AFF2: variants seen among roughly 807,000 people sequenced by gnomAD.
AFF2 encodes the protein ALF transcription elongation factor 2.
AFF2 carries 14 observed loss-of-function variants against 76.9 expected under a neutral mutation model. That is an observed-to-expected ratio of 0.18 (90% CI 0.12 to 0.28). The LOEUF is 0.28. Among genes scored for constraint, AFF2 ranks in the 10% least tolerant of loss-of-function variants. The pLI is 1.00. For synonymous variants in AFF2, 398 were observed against 366.7 expected, an observed-to-expected ratio of 1.09 and a Z score of -0.98; for missense variants, 868 against 1,001.1, an observed-to-expected ratio of 0.87 and a Z score of 1.79.
chrX:148,912,376 A>G (rs2071480637), intron 9 of AFF2, among the ~76,000 whole-genome samples: 1 of 111,692 alleles, frequency 9.0e-6, no homozygotes, highest in Non-Finnish European at 1.9e-5. Context: ...GAGTGAGAAC[A>G]TAAATACTGC....
intron 1 of AFF2, among the ~76,000 whole-genome samples, chrX:148,584,973 A>G (rs1458913398): frequency 8.9e-6 from 1 of 111,877 alleles, no homozygotes; most frequent in African/African-American, 3.3e-5. Flanking sequence ...ATATACAAAA[A>G]GAAAATTAAA....
intron 2 of AFF2, among the ~76,000 whole-genome samples, chrX:148,660,199 C>T (rs1230992691): frequency 8.9e-6 from 1 of 111,886 alleles, no homozygotes; most frequent in Admixed American, 9.5e-5. Context: ...GTTTCACACA[C>T]ACATAGTATG....
At chrX:148,754,733 T>A (rs781889220) in intron 3 of AFF2, among the ~76,000 whole-genome samples, 9 of 111,585 alleles carry the variant, frequency 8.1e-5, no homozygotes, top group Non-Finnish European at 5.7e-5. Context: ...AGGGGATGTA[T>A]AAAGTGCTGA....
At chrX:148,687,993 C>T (rs1215091610) in intron 3 of AFF2, among the ~76,000 whole-genome samples, 4 of 110,644 alleles carry the variant, frequency 3.6e-5, no homozygotes, top group South Asian at 3.9e-4. Flanking sequence ...CAGCTGATGG[C>T]GCTACTATCT....
intron 4 of AFF2, among the ~76,000 whole-genome samples, chrX:148,810,910 G>A (rs2070194535): frequency 9.0e-6 from 1 of 111,306 alleles, no homozygotes; most frequent in Admixed American, 9.5e-5. Flanking sequence ...CCCAGTAAGT[G>A]CCTTCTCAGC....
At chrX:148,896,860 A>G (rs1224558197) in intron 8 of AFF2, among the ~76,000 whole-genome samples, 1 of 110,379 alleles carries the variant, frequency 9.1e-6, no homozygotes, top group Non-Finnish European at 1.9e-5. Flanking sequence ...TTGAGTTGTT[A>G]GCACAGAAAT....
chrX:148,856,485 A>T (rs2124031400), intron 7 of AFF2, among the ~76,000 whole-genome samples: 1 of 111,028 alleles, frequency 9.0e-6, no homozygotes, highest in South Asian at 3.9e-4. Context: ...GAGACCCCTT[A>T]ACCCTGGCCC....
At chrX:148,901,757 A>G (rs1557280915) in intron 8 of AFF2, among the ~76,000 whole-genome samples, 1 of 112,220 alleles carries the variant, frequency 8.9e-6, no homozygotes, top group African/African-American at 3.2e-5. Context: ...CTCATAGCAT[A>G]CCTAAAACAA....
intron 7 of AFF2, among the ~76,000 whole-genome samples, chrX:148,864,078 G>A (rs2070879294): frequency 9.0e-6 from 1 of 111,591 alleles, no homozygotes. Context: ...GTAAGCCTCA[G>A]TGTACTGTGA....
At chrX:148,790,852 A>C (rs1557269883) in intron 3 of AFF2, among the ~76,000 whole-genome samples, 1 of 112,013 alleles carries the variant, frequency 8.9e-6, no homozygotes, top group Non-Finnish European at 1.9e-5. Context: ...TAAAATAAAA[A>C]TAAAAAGATT....
chrX:148,884,774 G>A (rs2071137626), intron 7 of AFF2, among the ~76,000 whole-genome samples: 1 of 112,241 alleles, frequency 8.9e-6, no homozygotes, highest in Non-Finnish European at 1.9e-5. Flanking sequence ...CTGGAGCTGA[G>A]GGTTGGGTAG....
At chrX:148,695,770 T>A (rs897405492) in intron 3 of AFF2, among the ~76,000 whole-genome samples, 5 of 112,469 alleles carry the variant, frequency 4.4e-5, no homozygotes, top group African/African-American at 1.6e-4. Flanking sequence ...TGTTCCTTTT[T>A]TAACATGTAG....
intron 3 of AFF2, among the ~76,000 whole-genome samples, chrX:148,691,082 G>A (rs1336752542): frequency 8.9e-6 from 1 of 111,765 alleles, no homozygotes; most frequent in African/African-American, 3.3e-5. Context: ...GTGGATGTTA[G>A]GACATTCATA....
chrX:148,839,894 G>GGTGTGT (rs200060298), intron 5 of AFF2, among the ~76,000 whole-genome samples: 1,100 of 86,986 alleles, frequency 0.013, 11 homozygotes, highest in East Asian at 0.026. Context: ...GTTGGGGCAT[G>GGTGTGT]GTGTGTGTGT....
chrX:148,966,853 A>G lies in AFF2; in HGVS notation c.2977A>G (p.Thr993Ala). ...CACTGTCACCAATACTGCTATTGCCACTGCTACTGTCACTGCTACTGCCAT... is the reference window on the plus strand; with the variant it reads ...CACTGTCACCAATACTGCTATTGCCGCTGCTACTGTCACTGCTACTGCCAT... ...TITVTNTAIA[T>A]ATVTATAIVT... Residue 993 changes from threonine to alanine, a missense_variant, in exon 14 of 21, where the codon ACT (threonine) becomes GCT (alanine). Transcript: ENST00000370460. The G allele has an allele frequency of 3.3e-6, 4 of 1,210,801 alleles. No homozygotes were observed. The highest frequency in any genetic ancestry group is 4.5e-6 in the Non-Finnish European group (4 of 895,064).
intron 8 of AFF2, among the ~76,000 whole-genome samples, chrX:148,899,060 G>A (rs1557280625): frequency 9.0e-6 from 1 of 111,652 alleles, no homozygotes; most frequent in African/African-American, 3.3e-5. Context: ...AATGGTTAGT[G>A]TTTTCCTGAA....
rs1333265530 is a variant in AFF2 at position 148,985,132 on chromosome X, G to C, written c.3624-2235G>C. Among the ~76,000 whole-genome samples the C allele has an allele frequency of 5.6e-5, 6 of 107,512 alleles. No homozygotes were observed. The East Asian group carries it at 1.8e-3, about 32-fold the overall frequency. 93.4% of individuals were successfully genotyped at this position (107,512 alleles called of 115,157 possible). ...CCCAAGTAGCTGGGACTACAGGCGT[G>C]TGCCACCATGCCCAGCTAATTTTCG... On this transcript the variant is annotated intron_variant, in intron 19 of 20. Transcript: ENST00000370460.
chrX:148,726,650 A>G (rs1350162201), intron 3 of AFF2, among the ~76,000 whole-genome samples: 1 of 111,820 alleles, frequency 8.9e-6, no homozygotes, highest in Non-Finnish European at 1.9e-5. Flanking sequence ...TTTAGGGGTC[A>G]TGGATTTAGC....
chrX:148,797,717 C>G (rs948869657), intron 3 of AFF2, among the ~76,000 whole-genome samples: 7 of 111,617 alleles, frequency 6.3e-5, no homozygotes, highest in African/African-American at 2.0e-4. Flanking sequence ...AATATGATCA[C>G]CACATAAACT....
Sources: gnomAD v4.1 joint callset for allele counts (sites outside exome capture counted in the v4.1 genomes callset) on GRCh38, gnomAD v4.1.1 for gene constraint, MANE v1.5 for transcripts, NCBI Gene and HGNC (gene_info 2026-07-23, HGNC 2026-07-21) for gene names.